Variants in MOGAT1 observed in about 807,000 individuals in gnomAD.
MOGAT1 encodes 2-acylglycerol O-acyltransferase 1.
In MOGAT1, 32 loss-of-function variants were observed where a neutral mutation model predicts 31.4. That is an observed-to-expected ratio of 1.02 (90% CI 0.77 to 1.37). MOGAT1 has a LOEUF of 1.37. Among genes scored for constraint, MOGAT1 ranks in the 40% most tolerant of loss-of-function variants. The pLI is 0.00. For synonymous variants in MOGAT1, 145 were observed against 144.5 expected, an observed-to-expected ratio of 1.00 and a Z score of -0.03; for missense variants, 426 against 402.0, an observed-to-expected ratio of 1.06 and a Z score of -0.51.
chr2:222,698,698 A>T, intron 5 of MOGAT1: 1 of 152,316 alleles, frequency 6.6e-6, no homozygotes. Flanking sequence ...TCTCACACAC[A>T]TACCACCTCA....
chr2:222,697,994 G>T (rs1692859974), intron 5 of MOGAT1, among the ~76,000 whole-genome samples: 1 of 152,174 alleles, frequency 6.6e-6, no homozygotes, highest in East Asian at 1.9e-4. Flanking sequence ...ATGAACTACA[G>T]AAGGACCGAA....
chr2:222,708,237 C>T (rs779971199), intron 5 of MOGAT1, among the ~76,000 whole-genome samples: 27 of 152,296 alleles, frequency 1.8e-4, no homozygotes, highest in Non-Finnish European at 1.2e-4. Context: ...GTGCCCGCCA[C>T]CACGTCCGGC....
At chr2:222,681,660 G>A (rs1397938934) in intron 1 of MOGAT1, among the ~76,000 whole-genome samples, 5 of 152,040 alleles carry the variant, frequency 3.3e-5, no homozygotes, top group Admixed American at 1.3e-4. Flanking sequence ...ATGGGGGTGG[G>A]GCTGCAGGTT....
chr2:222,694,411 G>C lies in MOGAT1; in HGVS notation c.528G>C (p.Glu176Asp). ...KKSVSYMVSK[E>D]GGGNISVIVL... ...GTGTGTCCTACATGGTAAGCAAGGA[G>C]GGAGGTGGAAACATCTCTGTCATTG... is the stretch of plus-strand genomic sequence containing the variant. Residue 176 changes from glutamate to aspartate, a missense_variant, in exon 4 of 6, where the codon GAG becomes GAC. By Grantham distance (45) the Glu-to-Asp change is conservative (BLOSUM62 2). Coordinates refer to ENST00000446656, the MANE Select transcript of MOGAT1 (RefSeq NM_058165.3). The C allele has an allele frequency of 6.2e-7, 1 of 1,613,628 alleles. No individual in the cohort carries two copies. Among genetic ancestry groups the C allele is most frequent in the African/African-American group, 1.3e-5 (1 of 75,040 alleles).
intron 3 of MOGAT1, among the ~76,000 whole-genome samples, chr2:222,693,246 T>G (rs1176138373): frequency 6.6e-6 from 1 of 152,242 alleles, no homozygotes; most frequent in Non-Finnish European, 1.5e-5. Flanking sequence ...TTGTCTTTAT[T>G]CTTTCCTATA....
intron 1 of MOGAT1, among the ~76,000 whole-genome samples, chr2:222,683,066 T>A (rs1559229059): frequency 1.3e-5 from 2 of 151,976 alleles, no homozygotes; most frequent in Admixed American, 1.3e-4. Context: ...TAGCCAGGTA[T>A]CATGGTGTGC....
intron 5 of MOGAT1, among the ~76,000 whole-genome samples, chr2:222,705,902 T>G (rs1030617968): frequency 1.3e-5 from 2 of 152,202 alleles, no homozygotes; most frequent in African/African-American, 4.8e-5. Context: ...AGATGGGCTT[T>G]TTTGAATTAT....
Position 222,688,348 on chromosome 2 carries a change from G to A in MOGAT1, c.99G>A (p.Pro33=), listed in dbSNP as rs777039020. The A allele has an allele frequency of 1.4e-5, 23 of 1,606,396 alleles. No homozygotes were observed. The highest frequency in any genetic ancestry group is 1.1e-4 in the South Asian group (10 of 89,378). ...QWVLKYLLLG[P]MSIGITVMLI... ...AGACTTTTTCTTTTCTTACAGGGCC[G>A]ATGTCCATTGGAATCACTGTGATGC... Residue 33 remains proline, a synonymous_variant, in exon 2 of 6, where the codon CCG becomes CCA. Coordinates refer to ENST00000446656, the MANE Select transcript of MOGAT1 (RefSeq NM_058165.3).
At chr2:222,693,814 T>TG (rs1692800275) in intron 3 of MOGAT1, among the ~76,000 whole-genome samples, 1 of 152,070 alleles carries the variant, frequency 6.6e-6, no homozygotes, top group African/African-American at 2.4e-5. Context: ...GAGATTTAGG[T>TG]GGGGGCACAG....
intron 5 of MOGAT1, among the ~76,000 whole-genome samples, chr2:222,708,636 A>G (rs193099519): frequency 1.3e-5 from 2 of 152,328 alleles, no homozygotes; most frequent in Admixed American, 1.3e-4. Flanking sequence ...AAATTTCCCC[A>G]TCCCTACGTC....
At chr2:222,698,732 G>C (rs1239782850) in intron 5 of MOGAT1, 1 of 152,238 alleles carries the variant, frequency 6.6e-6, no homozygotes, top group East Asian at 1.9e-4. Flanking sequence ...CTTTGAGAAA[G>C]CCTTTCCATG....
At chr2:222,673,075 G>A (rs1692445413) in intron 1 of MOGAT1, among the ~76,000 whole-genome samples, 1 of 151,508 alleles carries the variant, frequency 6.6e-6, no homozygotes, top group Admixed American at 6.6e-5. Context: ...CACCACATCT[G>A]GCTAATTTTG....
chr2:222,700,213 G>A (rs1191534675), intron 5 of MOGAT1, among the ~76,000 whole-genome samples: 1 of 152,200 alleles, frequency 6.6e-6, no homozygotes, highest in African/African-American at 2.4e-5. Flanking sequence ...GTAGTCTGTA[G>A]GCTTAAATGA....
At chr2:222,672,489 C>T (rs1488122505) in intron 1 of MOGAT1, among the ~76,000 whole-genome samples, 1 of 152,074 alleles carries the variant, frequency 6.6e-6, no homozygotes, top group Non-Finnish European at 1.5e-5. Context: ...CAGTTGGTTC[C>T]CAAGTTGAGC....
rs1692419177 is a variant in MOGAT1 at position 222,671,750 on chromosome 2, C to T, written c.-36C>T. Reference sequence around the variant, plus strand: ...CGCCGCAGAGCAGCGTGGGTGCAGGCTGCAGTGGCTGGCGCCGTCCTCGCC... The same window carrying T: ...CGCCGCAGAGCAGCGTGGGTGCAGGTTGCAGTGGCTGGCGCCGTCCTCGCC... On this transcript the variant is annotated 5_prime_UTR_variant, in exon 1 of 6. Coordinates refer to ENST00000446656, the MANE Select transcript of MOGAT1 (RefSeq NM_058165.3). The T allele has an allele frequency of 6.6e-7, 1 of 1,518,138 alleles. No homozygotes were observed. The highest frequency in any genetic ancestry group is 8.9e-7 in the Non-Finnish European group (1 of 1,118,134). 94.0% of individuals were successfully genotyped at this position (1,518,138 alleles called of 1,614,324 possible). A position where few individuals can be genotyped will look rare whatever the true frequency, so the allele number is the denominator to read the frequency against.
intron 5 of MOGAT1, among the ~76,000 whole-genome samples, chr2:222,700,862 A>T (rs892297086): frequency 7.9e-5 from 12 of 152,028 alleles, no homozygotes; most frequent in Admixed American, 7.2e-4. Context: ...TTCATTGCTG[A>T]CTCCCTGACG....
chr2:222,680,151 C>T (rs188361599), intron 1 of MOGAT1, among the ~76,000 whole-genome samples: 1 of 152,276 alleles, frequency 6.6e-6, no homozygotes, highest in East Asian at 1.9e-4. Flanking sequence ...TTTTTAGTTC[C>T]TTCAATCTGG....
chr2:222,699,490 C>CCTTT (rs1372008828), intron 5 of MOGAT1: 9 of 77,680 alleles, frequency 1.2e-4, no homozygotes, highest in African/African-American at 4.9e-4. Context: ...GGAGATATTT[C>CCTTT]TTTTTTTTTT....
At chr2:222,705,008 T>C (rs966049832) in intron 5 of MOGAT1, among the ~76,000 whole-genome samples, 1 of 152,176 alleles carries the variant, frequency 6.6e-6, no homozygotes, top group South Asian at 2.1e-4. Context: ...AGTAAAGGAA[T>C]AAAAGAATGG....
Sources: allele counts gnomAD v4.1 joint callset (sites outside exome capture counted in the v4.1 genomes callset), GRCh38; gene constraint gnomAD v4.1.1; transcripts MANE v1.5; gene names NCBI Gene and HGNC (gene_info 2026-07-23, HGNC 2026-07-21).